Variants in TRIM33 observed in about 807,000 individuals in gnomAD.
TRIM33 encodes tripartite motif containing 33.
In TRIM33, 20 loss-of-function variants were observed where a neutral mutation model predicts 125.4. The ratio of observed to expected loss-of-function variants is 0.16; its 90% CI spans 0.11 to 0.23. TRIM33 has a LOEUF of 0.23. TRIM33 is among the 10% of genes least tolerant of loss of function. The pLI, the probability that TRIM33 is intolerant of heterozygous loss-of-function variation, is 1.00. For missense variants in TRIM33, 920 were observed against 1,411.4 expected, an observed-to-expected ratio of 0.65 and a Z score of 5.58; for synonymous variants, 564 against 513.9, an observed-to-expected ratio of 1.10 and a Z score of -1.32.
intron 1 of TRIM33, among the ~76,000 whole-genome samples, chr1:114,500,608 TA>T (rs76991752): frequency 0.047 from 6,410 of 137,822 alleles, 349 homozygotes; most frequent in African/African-American, 0.14. Flanking sequence ...ATTTTTTAAT[TA>T]AAAAAAAAAA....
At chr1:114,407,360 A>G (rs914897204) in intron 13 of TRIM33, among the ~76,000 whole-genome samples, 6 of 151,926 alleles carry the variant, frequency 3.9e-5, no homozygotes, top group Non-Finnish European at 5.9e-5. Flanking sequence ...ACACACACGC[A>G]CACACACACA....
intron 8 of TRIM33, 87 bp from the exon 9 acceptor site, chr1:114,425,810 T>C: frequency 1.0e-6 from 1 of 969,512 alleles, no homozygotes; most frequent in East Asian, 2.6e-5. Context: ...CTCTTTCCTC[T>C]GACAACTATC....
At chr1:114,415,501 CT>C (rs1423954001) in intron 11 of TRIM33, among the ~76,000 whole-genome samples, 3 of 152,104 alleles carry the variant, frequency 2.0e-5, no homozygotes, top group Non-Finnish European at 4.4e-5. Flanking sequence ...TAACACTTGC[CT>C]ACTTATCTTT....
At chr1:114,403,071 G>C (rs556830214) in intron 15 of TRIM33, among the ~76,000 whole-genome samples, 188 bp from the exon 16 acceptor site, 2 of 152,220 alleles carry the variant, frequency 1.3e-5, no homozygotes, top group Admixed American at 1.3e-4. Flanking sequence ...TCCTAGTCAC[G>C]CATCAATTGA....
intron 4 of TRIM33, among the ~76,000 whole-genome samples, chr1:114,435,024 T>C (rs1424103278): frequency 6.6e-6 from 1 of 152,198 alleles, no homozygotes; most frequent in East Asian, 1.9e-4. Flanking sequence ...AGACAATAAC[T>C]GATAAAATCC....
Position 114,397,607 on chromosome 1 carries a change from G to GC in TRIM33, c.*40_*41insG. The GC allele has an allele frequency of 1.8e-6, 1 of 566,088 alleles. No homozygotes were observed. Among genetic ancestry groups the GC allele is most frequent in the Non-Finnish European group, 2.4e-6 (1 of 411,206 alleles). 35.1% of individuals were successfully genotyped at this position (566,088 alleles called of 1,614,324 possible). A position where few individuals can be genotyped will look rare whatever the true frequency, so the allele number is the denominator to read the frequency against. On this transcript the variant is annotated 3_prime_UTR_variant, in exon 20 of 20. Coordinates refer to ENST00000358465, the MANE Select transcript of TRIM33 (RefSeq NM_015906.4). ...TTTTTGTGTTTTTTTTTTTTTTTTC[G>GC]TTTTTTTTTTTTTAAACAATTGATT...
intron 10 of TRIM33, among the ~76,000 whole-genome samples, chr1:114,423,446 T>C (rs1010526107): frequency 2.0e-5 from 3 of 152,200 alleles, no homozygotes; most frequent in Non-Finnish European, 4.4e-5. Flanking sequence ...TTTAACTTTA[T>C]AGCATCAATA....
At chr1:114,423,036 G>A (rs1647305439) in intron 10 of TRIM33, among the ~76,000 whole-genome samples, 1 of 152,012 alleles carries the variant, frequency 6.6e-6, no homozygotes, top group African/African-American at 2.4e-5. Flanking sequence ...ATAAGTAACA[G>A]CATACAAACA....
At chr1:114,445,340 C>T (rs948611500) in intron 4 of TRIM33, among the ~76,000 whole-genome samples, 1 of 152,110 alleles carries the variant, frequency 6.6e-6, no homozygotes, top group Non-Finnish European at 1.5e-5. Context: ...TGGCCTCAAG[C>T]GATCCTCCCA....
At chr1:114,495,992 T>C (rs1210227735) in intron 1 of TRIM33, among the ~76,000 whole-genome samples, 1 of 152,230 alleles carries the variant, frequency 6.6e-6, no homozygotes, top group Non-Finnish European at 1.5e-5. Flanking sequence ...ATCCCTTTTA[T>C]ATGCCTCACA....
Position 114,397,596 on chromosome 1 carries a change from T to TTTTTTTTTTTTGTTTTTTTTTTTTTTTA in TRIM33, c.*51_*52insTAAAAAAAAAAAAAAACAAAAAAAAAAA. ...GTTTTCTGGGTTTTTTGTGTTTTTT[T>TTTTTTTTTTTTGTTTTTTTTTTTTTTTA]TTTTTTTTTCGTTTTTTTTTTTTTA... On this transcript the variant is annotated 3_prime_UTR_variant, in exon 20 of 20. Transcript: ENST00000358465. The TTTTTTTTTTTTGTTTTTTTTTTTTTTTA allele has an allele frequency of 8.8e-7, 1 of 1,134,502 alleles. No individual in the cohort carries two copies. The highest frequency in any genetic ancestry group is 1.3e-6 in the Non-Finnish European group (1 of 794,824). 70.3% of individuals were successfully genotyped at this position (1,134,502 alleles called of 1,614,324 possible).
chr1:114,402,498 T>G (rs1347285658), intron 16 of TRIM33, among the ~76,000 whole-genome samples: 3 of 152,166 alleles, frequency 2.0e-5, no homozygotes, highest in Non-Finnish European at 2.9e-5. Context: ...CGTTATTTGC[T>G]TGGTTTTGTG....
intron 1 of TRIM33, among the ~76,000 whole-genome samples, chr1:114,493,491 C>A (rs545505608): frequency 6.6e-6 from 1 of 152,262 alleles, no homozygotes; most frequent in South Asian, 2.1e-4. Context: ...CACTATGTTG[C>A]CCAAGCTGAT....
intron 4 of TRIM33, among the ~76,000 whole-genome samples, chr1:114,446,160 T>C (rs1572063923): frequency 6.6e-6 from 1 of 152,178 alleles, no homozygotes; most frequent in African/African-American, 2.4e-5. Context: ...CCAGCTTAAA[T>C]TGAGGATTTT....
chr1:114,471,443 C>CAAA (rs34336957), intron 1 of TRIM33, among the ~76,000 whole-genome samples: 1 of 100,046 alleles, frequency 1.0e-5, no homozygotes, highest in Admixed American at 1.1e-4. Flanking sequence ...GATTCTGTCT[C>CAAA]AAAAAAAAAA....
chr1:114,442,687 C>CAAAAAAAAA (rs34847018), intron 4 of TRIM33, among the ~76,000 whole-genome samples: 52 of 73,716 alleles, frequency 7.1e-4, no homozygotes, highest in Middle Eastern at 6.4e-3. Context: ...GACTCTGTCT[C>CAAAAAAAAA]AAAAAAAAAA....
Position 114,395,069 on chromosome 1 carries a change from T to C in TRIM33, c.*2579A>G, listed in dbSNP as rs1369792493. The C allele has an allele frequency of 5.2e-6, 1 of 191,684 alleles. No homozygotes were observed. Among genetic ancestry groups the C allele is most frequent in the Admixed American group, 6.1e-5 (1 of 16,328 alleles). The allele number at this position is 191,684 out of a possible 1,614,324, so 11.9% of individuals were successfully genotyped here. A position where few individuals can be genotyped will look rare whatever the true frequency, so the allele number is the denominator to read the frequency against. On this transcript the variant is annotated 3_prime_UTR_variant, in exon 20 of 20. Coordinates refer to ENST00000358465, the MANE Select transcript of TRIM33 (RefSeq NM_015906.4). ...ACATAAACTAATAGGAAAACATATA[T>C]CTAAATATCAATTTAAGTTTTTATA...
intron 1 of TRIM33, among the ~76,000 whole-genome samples, chr1:114,469,664 A>G (rs1650518725): frequency 2.6e-5 from 4 of 152,248 alleles, no homozygotes; most frequent in Admixed American, 2.6e-4. Context: ...GTTCTGGAGC[A>G]ACAGGTCACT....
chr1:114,437,498 C>A (rs1251222743), intron 4 of TRIM33, among the ~76,000 whole-genome samples: 1 of 152,088 alleles, frequency 6.6e-6, no homozygotes, highest in Non-Finnish European at 1.5e-5. Flanking sequence ...GTCACGACAC[C>A]CAGCTAATTT....
Sources: gnomAD v4.1 joint callset for allele counts (sites outside exome capture counted in the v4.1 genomes callset) on GRCh38, gnomAD v4.1.1 for gene constraint, MANE v1.5 for transcripts, NCBI Gene and HGNC (gene_info 2026-07-23, HGNC 2026-07-21) for gene names.